TRMO: variants seen among roughly 807,000 people sequenced by gnomAD.
The protein encoded by TRMO is tRNA (adenine(37)-N6)-methyltransferase.
TRMO carries 30 observed loss-of-function variants against 37.2 expected under a neutral mutation model. The observed-to-expected ratio is 0.81, with a 90% CI of 0.60 to 1.09. TRMO has a LOEUF of 1.09. Ranked by LOEUF, TRMO falls within the 50% of genes least tolerant of loss-of-function variation. The probability of loss-of-function intolerance (pLI) is 0.00; values close to 1 mark genes in which losing one functional copy is unlikely to be tolerated. For synonymous variants in TRMO, 239 were observed against 199.4 expected, an observed-to-expected ratio of 1.20 and a Z score of -1.67; for missense variants, 552 against 549.5, an observed-to-expected ratio of 1.00 and a Z score of -0.05.
chr9:97,916,591 A>G (rs1269159218), intron 1 of TRMO, among the ~76,000 whole-genome samples: 1 of 152,168 alleles, frequency 6.6e-6, no homozygotes, highest in Non-Finnish European at 1.5e-5. Flanking sequence ...TCCAAGAAAG[A>G]AAGAATGAAA....
chr9:97,907,960 G>C (rs772547502), intron 4 of TRMO, among the ~76,000 whole-genome samples: 4 of 152,072 alleles, frequency 2.6e-5, no homozygotes, highest in South Asian at 2.1e-4. Context: ...GTCTTTCTCA[G>C]TGAGGCCCAC....
At chr9:97,916,532 C>T (rs1587840429) in intron 1 of TRMO, among the ~76,000 whole-genome samples, 194 bp from the exon 2 acceptor site, 2 of 152,016 alleles carry the variant, frequency 1.3e-5, no homozygotes, top group Non-Finnish European at 2.9e-5. Flanking sequence ...ACACATACAT[C>T]ATTACATACA....
intron 2 of TRMO, 114 bp from the exon 3 acceptor site, chr9:97,913,672 G>A (rs1826230621): frequency 8.8e-6 from 6 of 679,294 alleles, no homozygotes; most frequent in Non-Finnish European, 1.5e-5. Flanking sequence ...CAGAAATCAT[G>A]TTTTAAATAG....
At chr9:97,916,450 G>A in intron 1 of TRMO, 112 bp from the exon 2 acceptor site, 1 of 713,832 alleles carries the variant, frequency 1.4e-6, no homozygotes, top group Non-Finnish European at 2.3e-6. Flanking sequence ...TTAGTGTCGT[G>A]CAACTATAAA....
chr9:97,909,902 T>A (rs1826028630), intron 4 of TRMO, 58 bp downstream of exon 4: 4 of 1,333,744 alleles, frequency 3.0e-6, no homozygotes, highest in African/African-American at 1.5e-5. Context: ...ATACCAAACT[T>A]GGCTAAATCT....
downstream of TRMO, among the ~76,000 whole-genome samples, chr9:97,903,259 C>A (rs746636895): frequency 2.0e-5 from 3 of 151,910 alleles, no homozygotes; most frequent in Non-Finnish European, 4.4e-5. Context: ...AAGCATGAGA[C>A]TCATCTCTAA....
intron 1 of TRMO, 101 bp from the exon 2 acceptor site, chr9:97,916,439 C>A: frequency 1.3e-6 from 1 of 793,234 alleles, no homozygotes; most frequent in Non-Finnish European, 2.0e-6. Flanking sequence ...GTTTTAAAAT[C>A]TTAGTGTCGT....
intron 3 of TRMO, 59 bp from the exon 4 acceptor site, chr9:97,910,675 C>A: frequency 6.4e-7 from 1 of 1,571,466 alleles, no homozygotes; most frequent in Non-Finnish European, 8.6e-7. Context: ...AATACAGTCA[C>A]GCCCCAGAAT....
intron 2 of TRMO, 45 bp downstream of exon 2, chr9:97,916,119 C>T (rs371638195): frequency 6.6e-5 from 97 of 1,465,122 alleles, no homozygotes; most frequent in Non-Finnish European, 8.5e-5. Flanking sequence ...TATTCGGGGG[C>T]AAGTTCTGGC....
At position 97,919,011 on chromosome 9, in the gene TRMO, C is replaced by T. The variant is rs566650668; in HGVS notation, c.77-2673G>A. ...ACTGTAAGTTGTCTTCTCAGACTTG[C>T]TTTTTCTCTCTCAATATTATGAGGC... On this transcript the variant is annotated intron_variant, in intron 1 of 4. Transcript: ENST00000375119. Among the ~76,000 whole-genome samples the T allele has an allele frequency of 7.2e-5, 11 of 152,302 alleles. No individual in the cohort carries two copies. The South Asian group carries it at 1.9e-3, about 26-fold the overall frequency.
chr9:97,921,381 G>C (rs1363433308), intron 1 of TRMO, among the ~76,000 whole-genome samples: 1 of 152,050 alleles, frequency 6.6e-6, no homozygotes, highest in African/African-American at 2.4e-5. Flanking sequence ...CACGGTGAGA[G>C]CTTGCCTCTA....
At chr9:97,897,546 A>C in the TRMO span, among the ~76,000 whole-genome samples, 1 of 152,220 alleles carries the variant, frequency 6.6e-6, no homozygotes, top group Non-Finnish European at 1.5e-5. Flanking sequence ...CCCTCTTCTA[A>C]GTGGTGGTTA....
intron 4 of TRMO, among the ~76,000 whole-genome samples, chr9:97,908,471 C>T (rs1321114137): frequency 2.0e-5 from 3 of 151,624 alleles, no homozygotes; most frequent in Non-Finnish European, 4.4e-5. Flanking sequence ...CACCTGTAGT[C>T]CCAGCTACAC....
Position 97,908,411 on chromosome 9 carries a change from C to CAAAA in TRMO, c.1066+1545_1066+1548dup, listed in dbSNP as rs34633871. 5.2e-3 allele frequency among the ~76,000 whole-genome samples: 516 copies of CAAAA among 98,626 alleles called. 2 individuals carry two copies. Among genetic ancestry groups the CAAAA allele is most frequent in the African/African-American group, 0.013 (320 of 25,156 alleles). The allele number at this position is 98,626 out of a possible 152,430, so 64.7% of individuals were successfully genotyped here. On this transcript the variant is annotated intron_variant, in intron 4 of 4. Transcript: ENST00000375119. ...TGGGCGACAGAGCGAGACTCCGTCT[C>CAAAA]AAAAAAAAAAAAAAAAAAAATCAAA...
At position 97,904,705 on chromosome 9, in the gene TRMO, G is replaced by A. The variant is rs757208138; in HGVS notation, c.*28C>T. ...AAAGCCACATCCAAAGATCAATGAT[G>A]CTACCTTAAAGACATGAGGGAGGCT... On this transcript the variant is annotated 3_prime_UTR_variant, in exon 5 of 5. Coordinates refer to ENST00000375119, the MANE Select transcript of TRMO (RefSeq NM_016481.5). 6.2e-7 allele frequency: 1 copy of A among 1,605,836 alleles called. No homozygotes were observed. The highest frequency in any genetic ancestry group is 1.1e-5 in the South Asian group (1 of 90,444).
chr9:97,905,736 G>A (rs1320671139), intron 4 of TRMO, among the ~76,000 whole-genome samples: 1 of 152,132 alleles, frequency 6.6e-6, no homozygotes, highest in Non-Finnish European at 1.5e-5. Context: ...ATCATCTGTG[G>A]TGGCAGTGGA....
chr9:97,904,431 T>C (rs75886452), downstream of TRMO: 93 of 1,105,652 alleles, frequency 8.4e-5, no homozygotes, highest in East Asian at 4.6e-3. Context: ...GAATGAACTT[T>C]GTCTAATTTT....
rs1262781231 is a variant in TRMO at position 97,904,602 on chromosome 9, A to G, written c.*131T>C. The G allele has an allele frequency of 2.0e-6, 3 of 1,501,476 alleles. No individual in the cohort carries two copies. Among genetic ancestry groups the G allele is most frequent in the Non-Finnish European group, 2.7e-6 (3 of 1,130,034 alleles). 93.0% of individuals were successfully genotyped at this position (1,501,476 alleles called of 1,614,324 possible). The stretch of plus-strand genomic sequence containing the variant: ...ATACGTTTTTCAAATAAACATTTTG[A>G]ACAGCCCAAATCAATCAAAGCCATG... On this transcript the variant is annotated 3_prime_UTR_variant, in exon 5 of 5. Transcript: ENST00000375119.
At chr9:97,919,056 G>T (rs1412111037) in intron 1 of TRMO, among the ~76,000 whole-genome samples, 2 of 152,118 alleles carry the variant, frequency 1.3e-5, no homozygotes, top group Non-Finnish European at 1.5e-5. Context: ...TACATACTCT[G>T]TATGTTTTTG....
Sources: gnomAD v4.1 joint callset for allele counts (sites outside exome capture counted in the v4.1 genomes callset) on GRCh38, gnomAD v4.1.1 for gene constraint, MANE v1.5 for transcripts, NCBI Gene and HGNC (gene_info 2026-07-23, HGNC 2026-07-21) for gene names.